The following DDX60L variants were observed in gnomAD, a reference collection of about 807,000 sequenced individuals.
DDX60L encodes the protein DExD/H-box 60 like, also known as probable ATP-dependent RNA helicase DDX60-like.
DDX60L carries 191 observed loss-of-function variants against 211.6 expected under a neutral mutation model. That is an observed-to-expected ratio of 0.90 (90% CI 0.80 to 1.02). The LOEUF is 1.02. Among genes scored for constraint, DDX60L ranks in the 50% least tolerant of loss-of-function variants. The pLI is 0.00. For missense variants in DDX60L, 2,007 were observed against 1,984.1 expected (o/e 1.01, Z -0.22); for synonymous variants, 706 against 694.1 (o/e 1.02, Z -0.27).
chr4:168,403,940 T>TATGAATG, intron 25 of DDX60L, 42 bp downstream of exon 25: 1 of 1,271,298 alleles, frequency 7.9e-7, no homozygotes, highest in Non-Finnish European at 1.1e-6. Flanking sequence ...AACAAAAAAT[T>TATGAATG]CTCACATATA....
intron 5 of DDX60L, among the ~76,000 whole-genome samples, chr4:168,458,521 G>A (rs1029526949): frequency 1.3e-5 from 2 of 152,094 alleles, no homozygotes; most frequent in Non-Finnish European, 2.9e-5. Flanking sequence ...GATGGAGCTC[G>A]AAGCCATTAT....
At position 168,423,746 on chromosome 4, in the gene DDX60L, A is replaced by G; in HGVS notation, c.1959T>C (p.Ala653=). 3.1e-6 allele frequency: 5 copies of G among 1,587,564 alleles called. No homozygotes were observed. Among genetic ancestry groups the G allele is most frequent in the Non-Finnish European group, 4.3e-6 (5 of 1,172,682 alleles). The change falls in exon 15 of 38, where the codon GCT becomes GCC. Residue 653 remains alanine, a synonymous_variant. Coordinates refer to ENST00000682922, the MANE Select transcript of DDX60L (RefSeq NM_001012967.3). ...EGKISKDLSI[A]VQMMKRIHSL... Reference sequence around the variant, plus strand: ...AATGAATCCTTTTCATCATTTGAACAGCTATACTTAAATCTTTCGAAATTT... The same window carrying G: ...AATGAATCCTTTTCATCATTTGAACGGCTATACTTAAATCTTTCGAAATTT...
rs771646763 is a variant in DDX60L at position 168,379,438 on chromosome 4, C to T, written c.4288G>A (p.Glu1430Lys). Residue 1430 changes from glutamate to lysine, a missense_variant, in exon 32 of 38, where the codon GAA becomes AAA. Coordinates refer to ENST00000682922, the MANE Select transcript of DDX60L (RefSeq NM_001012967.3). The part of the protein sequence containing the change: ...AGLASYLHGH[E>K]PSNLVFVNFL... ...TTTACAAAAACAAGATTTGAAGGTT[C>T]ATGACCATGCAAATATGATGCAAGT... 7 of 1,603,058 alleles carry T rather than the reference C, an allele frequency of 4.4e-6. No individual in the cohort carries two copies. The Admixed American group carries it at 5.2e-5, about 12-fold the overall frequency.
In DDX60L at chr4:168,442,371, T is replaced by G. The variant is rs1194443976; in HGVS notation, c.1139-879A>C. Among the ~76,000 whole-genome samples the G allele has an allele frequency of 5.3e-5, 8 of 152,022 alleles. No individual in the cohort carries two copies. In the South Asian group the frequency reaches 1.0e-3, roughly 20 times the overall value. On this transcript the variant is annotated intron_variant, in intron 9 of 37. Coordinates refer to ENST00000682922, the MANE Select transcript of DDX60L (RefSeq NM_001012967.3). ...GGGTCCTACGCCCACGGAGTCTCGC[T>G]GATTGCTAGCACAGCAGTCTGAGAT...
At chr4:168,384,175 G>C (rs1287456318) in intron 30 of DDX60L, among the ~76,000 whole-genome samples, 1 of 152,104 alleles carries the variant, frequency 6.6e-6, no homozygotes, top group Non-Finnish European at 1.5e-5. Flanking sequence ...GTGATCATGT[G>C]AGTTAATACT....
At chr4:168,426,757 CT>C (rs1751517549) in intron 14 of DDX60L, among the ~76,000 whole-genome samples, 3 of 152,204 alleles carry the variant, frequency 2.0e-5, no homozygotes, top group African/African-American at 7.2e-5. Context: ...CCTGTTGCTG[CT>C]GCTGAGCCTC....
Position 168,379,389 on chromosome 4 carries a change from T to C in DDX60L, c.4337A>G (p.His1446Arg), listed in dbSNP as rs755011338. The C allele has an allele frequency of 3.8e-6, 6 of 1,594,388 alleles. No individual in the cohort carries two copies. The highest frequency in any genetic ancestry group is 2.3e-5 in the East Asian group (1 of 44,134). Residue 1446 changes from histidine to arginine, a missense_variant, in exon 32 of 38, where the codon CAT becomes CGT. Transcript: ENST00000682922. The stretch of plus-strand genomic sequence containing the variant: ...TTTCCAGGCTGGCTTACAGAGATTA[T>C]GGAAAAGGCCTCTCTTGAGAAAATT... ...FVNFLKRGLFHNLCKPAWKGS... is the reference protein window; with the variant it reads ...FVNFLKRGLFRNLCKPAWKGS...
chr4:168,475,860 T>G (rs1190199961), intron 1 of DDX60L: 1 of 151,830 alleles, frequency 6.6e-6, no homozygotes, highest in Non-Finnish European at 1.5e-5. Flanking sequence ...AGAAGAAACA[T>G]CAGAGAGCTC....
rs1049927570 is a variant in DDX60L, at chr4:168,364,918, T to TA, written c.4929-3708dup. Among the ~76,000 whole-genome samples, 111 of 151,808 alleles carry TA rather than the reference T, an allele frequency of 7.3e-4. 1 individual carries two copies. The highest frequency in any genetic ancestry group is 9.2e-4 in the Admixed American group (14 of 15,216). On this transcript the variant is annotated intron_variant, in intron 36 of 37. Transcript: ENST00000682922. ...TACATGGAAATTAAACAACTACTCT[T>TA]AAAAAAAACCCAACAGATCAATAAG... is the stretch of plus-strand genomic sequence containing the variant.
At chr4:168,385,518 C>T (rs1316723905) in intron 29 of DDX60L, among the ~76,000 whole-genome samples, 3 of 152,172 alleles carry the variant, frequency 2.0e-5, no homozygotes, top group Non-Finnish European at 4.4e-5. Context: ...GTCATGGGAA[C>T]CCCAACTTGA....
chr4:168,466,424 T>C (rs1757997695), intron 4 of DDX60L, among the ~76,000 whole-genome samples: 1 of 152,232 alleles, frequency 6.6e-6, no homozygotes, highest in Non-Finnish European at 1.5e-5. Flanking sequence ...GATGATATTA[T>C]GGCTTTCACA....
chr4:168,438,345 T>C (rs1311568273), intron 10 of DDX60L, among the ~76,000 whole-genome samples: 2 of 152,206 alleles, frequency 1.3e-5, no homozygotes, highest in Admixed American at 6.5e-5. Context: ...CCCTGAAATA[T>C]ATAAAACCAA....
intron 36 of DDX60L, among the ~76,000 whole-genome samples, chr4:168,362,821 T>C (rs1739329981): frequency 6.6e-6 from 1 of 152,188 alleles, no homozygotes; most frequent in African/African-American, 2.4e-5. Context: ...ATAGGACTTA[T>C]GGGACACCAT....
intron 5 of DDX60L, among the ~76,000 whole-genome samples, chr4:168,461,009 C>G (rs1359090305): frequency 6.6e-6 from 1 of 152,198 alleles, no homozygotes; most frequent in African/African-American, 2.4e-5. Context: ...CAGTAACACC[C>G]TGGGTGCACC....
At chr4:168,440,386 T>C (rs1482567963) in intron 10 of DDX60L, among the ~76,000 whole-genome samples, 6 of 152,236 alleles carry the variant, frequency 3.9e-5, no homozygotes, top group East Asian at 1.9e-4. Flanking sequence ...AGTGAATAAA[T>C]GCATATATCT....
At chr4:168,477,399 A>G (rs1759720549) in intron 1 of DDX60L, among the ~76,000 whole-genome samples, 1 of 151,862 alleles carries the variant, frequency 6.6e-6, no homozygotes, top group Admixed American at 6.6e-5. Context: ...TGGGCGACAG[A>G]GCAAGACTCT....
intron 36 of DDX60L, among the ~76,000 whole-genome samples, chr4:168,364,546 A>G (rs1040848590): frequency 2.0e-5 from 3 of 152,086 alleles, no homozygotes; most frequent in African/African-American, 7.2e-5. Flanking sequence ...GACCAAATTG[A>G]CCTAACAGCC....
intron 8 of DDX60L, among the ~76,000 whole-genome samples, chr4:168,450,609 A>G (rs773614694): frequency 6.6e-6 from 1 of 152,160 alleles, no homozygotes; most frequent in Admixed American, 6.5e-5. Flanking sequence ...CTCTACCAAA[A>G]CAGCTCTTAA....
chr4:168,461,170 G>C (rs1757273174), intron 5 of DDX60L, among the ~76,000 whole-genome samples: 1 of 152,100 alleles, frequency 6.6e-6, no homozygotes, highest in Non-Finnish European at 1.5e-5. Flanking sequence ...GGTCCTTTTG[G>C]TGGCCAGCTC....
Sources: gnomAD v4.1 joint callset for allele counts (sites outside exome capture counted in the v4.1 genomes callset) on GRCh38, gnomAD v4.1.1 for gene constraint, MANE v1.5 for transcripts, NCBI Gene and HGNC (gene_info 2026-07-23, HGNC 2026-07-21) for gene names.